PDLIM4: variants seen among roughly 807,000 people sequenced by gnomAD.
PDLIM4 encodes PDZ and LIM domain protein 4.
PDLIM4 carries 19 observed loss-of-function variants against 31.3 expected under a neutral mutation model. The ratio of observed to expected loss-of-function variants is 0.61; its 90% CI spans 0.42 to 0.89. The LOEUF (loss-of-function observed/expected upper bound fraction) is 0.89. PDLIM4 is among the 40% of genes least tolerant of loss of function. The pLI, the probability that PDLIM4 is intolerant of heterozygous loss-of-function variation, is 0.00. For missense variants in PDLIM4, 442 were observed against 461.1 expected (o/e 0.96, Z 0.38); for synonymous variants, 176 against 190.1 (o/e 0.93, Z 0.61).
Position 132,273,050 on chromosome 5 carries a change from A to G in PDLIM4, c.*821A>G, listed in dbSNP as rs928852490. 2.6e-5 allele frequency: 4 copies of G among 152,280 alleles called. No homozygotes were observed. Among genetic ancestry groups the G allele is most frequent in the Non-Finnish European group, 5.9e-5 (4 of 68,046 alleles). The allele number at this position is 152,280 out of a possible 1,614,324, so 9.4% of individuals were successfully genotyped here. On this transcript the variant is annotated 3_prime_UTR_variant, in exon 7 of 7. Transcript: ENST00000253754. Reference sequence around the variant, plus strand: ...CTAAGTCAATTCCACCCCTCCTCGAAGTCCCGGCTTCCACCCCTCTCCTCA... The same window carrying G: ...CTAAGTCAATTCCACCCCTCCTCGAGGTCCCGGCTTCCACCCCTCTCCTCA...
intron 3 of PDLIM4, 133 bp downstream of exon 3, chr5:132,266,678 G>T: frequency 3.4e-6 from 2 of 579,740 alleles, no homozygotes; most frequent in Non-Finnish European, 3.1e-6. Context: ...TGAAGCAGAA[G>T]TTTTCTCTGG....
rs746835619 is a variant in PDLIM4 at position 132,270,960 on chromosome 5, G to T, written c.373G>T (p.Gly125Trp). 2 of 1,614,032 alleles carry T rather than the reference G, an allele frequency of 1.2e-6. No individual in the cohort carries two copies. Among genetic ancestry groups the T allele is most frequent in the South Asian group, 2.2e-5 (2 of 91,088 alleles). ...CAGGCGGCCCTCAGGCACCGGGACT[G>T]GGCCAGAAGATGGCAGACCAAGCCT... ...TSRRPSGTGT[G>W]PEDGRPSLGS... is the part of the protein sequence containing the mutation. Residue 125 changes from glycine to tryptophan, a missense_variant, in exon 4 of 7, where the codon GGG (glycine) becomes TGG (tryptophan). Physicochemically the swap from Gly to Trp is radical, Grantham distance 184. Coordinates refer to ENST00000253754, the MANE Select transcript of PDLIM4 (RefSeq NM_003687.4).
chr5:132,271,765 C>T, intron 5 of PDLIM4, 26 bp from the exon 6 acceptor site: 1 of 1,483,256 alleles, frequency 6.7e-7, no homozygotes, highest in Non-Finnish European at 9.4e-7. Context: ...TCACCCCGTT[C>T]ATGCCACCTA....
Position 132,257,857 on chromosome 5 carries a change from C to T in PDLIM4, c.93+30C>T. ...GTCTGGCGGCTGCGTGGCGGCAGGG[C>T]GGTCCCATGTCTGAGACCGGGTTCT... is the stretch of plus-strand genomic sequence containing the variant. On this transcript the variant is annotated intron_variant, in intron 1 of 6. Transcript: ENST00000253754. This position sits in a 1 kb window ranked among gnomAD's most constrained non-coding sequence, Gnocchi z 4.3. The T allele has an allele frequency of 1.5e-6, 2 of 1,314,852 alleles. No individual in the cohort carries two copies. Among genetic ancestry groups the T allele is most frequent in the Non-Finnish European group, 2.0e-6 (2 of 985,324 alleles). 81.4% of individuals were successfully genotyped at this position (1,314,852 alleles called of 1,614,324 possible). A position where few individuals can be genotyped will look rare whatever the true frequency, so the allele number is the denominator to read the frequency against.
intron 3 of PDLIM4, 133 bp from the exon 4 acceptor site, chr5:132,270,782 G>C: frequency 1.3e-6 from 1 of 777,204 alleles, no homozygotes; most frequent in South Asian, 1.6e-5. Flanking sequence ...AGCACCACAG[G>C]CCAGAGATGC....
chr5:132,267,544 G>T (rs996788475), intron 3 of PDLIM4, among the ~76,000 whole-genome samples: 1 of 152,224 alleles, frequency 6.6e-6, no homozygotes, highest in African/African-American at 2.4e-5. Context: ...GTAGTCACAT[G>T]ACTCAGACAA....
At position 132,271,566 on chromosome 5, in the gene PDLIM4, TC is replaced by T. The variant is rs766363291; in HGVS notation, c.670+101del. The T allele has an allele frequency of 3.1e-6, 4 of 1,279,132 alleles. No homozygotes were observed. The African/African-American group carries it at 5.8e-5, about 19-fold the overall frequency. The allele number at this position is 1,279,132 out of a possible 1,614,324, so 79.2% of individuals were successfully genotyped here. ...CGTCCCGCCTCGCAGTCACCTGCCC[TC>T]TTCGGTCTCTGCGGCCCGGTCCCAC... On this transcript the variant is annotated intron_variant, in intron 5 of 6. Transcript: ENST00000253754.
Position 132,273,165 on chromosome 5 carries a change from C to T in PDLIM4, c.*936C>T, listed in dbSNP as rs1293881136. 1 of 152,290 alleles carries T rather than the reference C, an allele frequency of 6.6e-6. No individual in the cohort carries two copies. The highest frequency in any genetic ancestry group is 1.5e-5 in the Non-Finnish European group (1 of 68,014). The allele number at this position is 152,290 out of a possible 1,614,324, so 9.4% of individuals were successfully genotyped here. A position where few individuals can be genotyped will look rare whatever the true frequency, so the allele number is the denominator to read the frequency against. ...GTCTGTGAATTGTGGCTGTTCACTCCCGAGGATGTGTCCTAGACTCCGGGT... is the reference window on the plus strand; with the variant it reads ...GTCTGTGAATTGTGGCTGTTCACTCTCGAGGATGTGTCCTAGACTCCGGGT... On this transcript the variant is annotated 3_prime_UTR_variant, in exon 7 of 7. Coordinates refer to ENST00000253754, the MANE Select transcript of PDLIM4 (RefSeq NM_003687.4).
At chr5:132,258,215 C>T (rs1446330326) in intron 1 of PDLIM4, among the ~76,000 whole-genome samples, 1 of 152,194 alleles carries the variant, frequency 6.6e-6, no homozygotes, top group East Asian at 1.9e-4. Context: ...GATTTAGAGC[C>T]CCCCTTCCCC....
At chr5:132,262,903 AGCACTTTCAT>A (rs1756408107) in intron 2 of PDLIM4, 143 bp downstream of exon 2, 2 of 654,042 alleles carry the variant, frequency 3.1e-6, no homozygotes, top group African/African-American at 3.7e-5. Flanking sequence ...CCCAAGGAGT[AGCACTTTCAT>A]GGGGGCCTGG....
At position 132,272,538 on chromosome 5, in the gene PDLIM4, C is replaced by A; in HGVS notation, c.*309C>A. 2.2e-6 allele frequency: 1 copy of A among 444,512 alleles called. No individual in the cohort carries two copies. The highest frequency in any genetic ancestry group is 4.2e-6 in the Non-Finnish European group (1 of 238,062). The allele number at this position is 444,512 out of a possible 1,614,324, so 27.5% of individuals were successfully genotyped here. A position where few individuals can be genotyped will look rare whatever the true frequency, so the allele number is the denominator to read the frequency against. ...AGCTCTAGTAATACGAAGGTGAGGT[C>A]TGGGATGCTGCGTGCGGCGCGACGA... On this transcript the variant is annotated 3_prime_UTR_variant, in exon 7 of 7. Coordinates refer to ENST00000253754, the MANE Select transcript of PDLIM4 (RefSeq NM_003687.4).
Position 132,272,159 on chromosome 5 carries a change from C to T in PDLIM4, c.923C>T (p.Ala308Val), listed in dbSNP as rs867265087. The change falls in exon 7 of 7, where the codon GCG (alanine) becomes GTG (valine). Residue 308 changes from alanine to valine, a missense_variant. Coordinates refer to ENST00000253754, the MANE Select transcript of PDLIM4 (RefSeq NM_003687.4). ...CTCTACTGTGAGAGCCACGCCAAGGCGCGCGTGAAGCCGCCCGAGGGCTAC... is the reference window on the plus strand; with the variant it reads ...CTCTACTGTGAGAGCCACGCCAAGGTGCGCGTGAAGCCGCCCGAGGGCTAC... Reference protein sequence around the residue: ...ERLYCESHAKARVKPPEGYDV... With the variant: ...ERLYCESHAKVRVKPPEGYDV... 8 of 1,614,108 alleles carry T rather than the reference C, an allele frequency of 5.0e-6. No individual in the cohort carries two copies. The African/African-American group carries it at 1.1e-4, about 22-fold the overall frequency.
chr5:132,270,115 C>A (rs1436452249), intron 3 of PDLIM4, among the ~76,000 whole-genome samples: 1 of 152,182 alleles, frequency 6.6e-6, no homozygotes, highest in Non-Finnish European at 1.5e-5. Context: ...ATCCCCAGTC[C>A]CCACTCAGAC....
chr5:132,271,221 C>CATA, intron 4 of PDLIM4, 82 bp from the exon 5 acceptor site: 1 of 1,507,932 alleles, frequency 6.6e-7, no homozygotes, highest in Non-Finnish European at 9.1e-7. Flanking sequence ...CATTCTGACT[C>CATA]ATAAGCCTTA....
chr5:132,258,370 T>C (rs973360144), intron 1 of PDLIM4, among the ~76,000 whole-genome samples: 1 of 152,096 alleles, frequency 6.6e-6, no homozygotes, highest in African/African-American at 2.4e-5. Flanking sequence ...TAAGGGGAAG[T>C]GACCAGGAGG....
intron 2 of PDLIM4, among the ~76,000 whole-genome samples, chr5:132,265,186 A>T (rs1054493395): frequency 1.3e-5 from 2 of 152,214 alleles, no homozygotes; most frequent in East Asian, 3.9e-4. Flanking sequence ...ATGGGGGTTG[A>T]CACATGATTA....
chr5:132,271,108 C>G lies in PDLIM4; in HGVS notation c.506+15C>G, dbSNP rs758483829. 1.9e-6 allele frequency: 3 copies of G among 1,609,276 alleles called. No individual in the cohort carries two copies. The highest frequency in any genetic ancestry group is 2.2e-5 in the East Asian group (1 of 44,816). ...CCACCCCCCAGGTAGCACAGAGATG[C>G]CTTCGGTGCCATGCCCAGAACCCAT... On this transcript the variant is annotated intron_variant, in intron 4 of 6. Coordinates refer to ENST00000253754, the MANE Select transcript of PDLIM4 (RefSeq NM_003687.4).
At position 132,267,833 on chromosome 5, in the gene PDLIM4, C is replaced by T. The variant is rs552965136; in HGVS notation, c.327+1288C>T. ...AGCTGTTCTTACAGGGATTCATGGC[C>T]ACATCTGTGTCTCAGAAACTTGCTC... On this transcript the variant is annotated intron_variant, in intron 3 of 6. Transcript: ENST00000253754. 9.5e-4 allele frequency among the ~76,000 whole-genome samples: 145 copies of T among 152,298 alleles called. 2 individuals are homozygous for T. The highest frequency in any genetic ancestry group is 2.7e-3 in the African/African-American group (114 of 41,568).
intron 2 of PDLIM4, 133 bp from the exon 3 acceptor site, chr5:132,266,331 A>G (rs1418119113): frequency 4.8e-6 from 3 of 619,290 alleles, no homozygotes; most frequent in Non-Finnish European, 8.9e-6. Flanking sequence ...CCATTGTGGT[A>G]CAGGGGAAAG....
Sources: gnomAD v4.1 joint callset for allele counts (sites outside exome capture counted in the v4.1 genomes callset) on GRCh38, gnomAD v4.1.1 for gene constraint, Gnocchi (gnomAD v3.1) non-coding constraint, MANE v1.5 for transcripts, NCBI Gene and HGNC (gene_info 2026-07-23, HGNC 2026-07-21) for gene names.